Variants in GSG1L observed in about 807,000 individuals in gnomAD.
The protein encoded by GSG1L is germ cell-specific gene 1-like protein.
GSG1L carries 24 observed loss-of-function variants against 42.1 expected under a neutral mutation model. The ratio of observed to expected loss-of-function variants is 0.57; its 90% CI spans 0.41 to 0.80. The LOEUF is 0.80. Ranked by LOEUF, GSG1L falls within the 30% of genes least tolerant of loss-of-function variation. The probability of loss-of-function intolerance (pLI) is 0.00; values close to 1 mark genes in which losing one functional copy is unlikely to be tolerated. For synonymous variants in GSG1L, 215 were observed against 203.5 expected, an observed-to-expected ratio of 1.06 and a Z score of -0.48; for missense variants, 445 against 472.2, an observed-to-expected ratio of 0.94 and a Z score of 0.53.
chr16:27,818,730 C>A (rs1709786), intron 5 of GSG1L, among the ~76,000 whole-genome samples: 10,873 of 151,766 alleles, frequency 0.072, 574 homozygotes, highest in South Asian at 0.13. Flanking sequence ...ATTAAGATTC[C>A]ATAACATCAC....
At chr16:27,905,495 T>C (rs1229765791) in intron 2 of GSG1L, among the ~76,000 whole-genome samples, 1 of 152,034 alleles carries the variant, frequency 6.6e-6, no homozygotes, top group Non-Finnish European at 1.5e-5. Flanking sequence ...ATTTTATTTT[T>C]TTGTAGAGAC....
chr16:27,949,076 C>T (rs1036701026), intron 2 of GSG1L, among the ~76,000 whole-genome samples: 5 of 151,800 alleles, frequency 3.3e-5, no homozygotes, highest in Non-Finnish European at 7.4e-5. Context: ...TGCCACCATG[C>T]GCAGCTAATT....
chr16:27,888,508 T>TTTCTTTCC (rs1567505986), intron 2 of GSG1L, among the ~76,000 whole-genome samples: 1 of 12,956 alleles, frequency 7.7e-5, no homozygotes, highest in Non-Finnish European at 1.8e-4. Flanking sequence ...TCTTTCTTTC[T>TTTCTTTCC]TTCTTTCTTT....
intron 3 of GSG1L, among the ~76,000 whole-genome samples, chr16:27,859,892 G>A (rs2083622875): frequency 6.6e-6 from 1 of 151,682 alleles, no homozygotes; most frequent in Non-Finnish European, 1.5e-5. Context: ...CTGTTGGCTA[G>A]GCTTATCTGG....
intron 2 of GSG1L, among the ~76,000 whole-genome samples, chr16:27,935,320 G>T (rs2084702143): frequency 7.1e-6 from 1 of 139,894 alleles, no homozygotes; most frequent in Non-Finnish European, 1.6e-5. Flanking sequence ...CCATCCTGAT[G>T]GGGGAATGGG....
Position 27,926,105 on chromosome 16 carries a change from A to G in GSG1L, c.397+37051T>C, listed in dbSNP as rs565636422. On this transcript the variant is annotated intron_variant, in intron 2 of 6. Transcript: ENST00000447459. Reference sequence around the variant, plus strand: ...AGTCTTCATGAATACAAGATAGGAAAAAGGAGTGACAAAGCCTTCTCCAGG... The same window carrying G: ...AGTCTTCATGAATACAAGATAGGAAGAAGGAGTGACAAAGCCTTCTCCAGG... 2.6e-4 allele frequency among the ~76,000 whole-genome samples: 39 copies of G among 152,344 alleles called. 1 individual carries two copies. The highest frequency in any genetic ancestry group is 9.8e-4 in the Admixed American group (15 of 15,308).
intron 1 of GSG1L, among the ~76,000 whole-genome samples, chr16:28,060,178 G>A (rs1414436286): frequency 6.6e-6 from 1 of 151,740 alleles, no homozygotes; most frequent in Non-Finnish European, 1.5e-5. Context: ...GGTGGGGGAG[G>A]CGAGATTTTG....
chr16:27,883,533 T>C (rs2083987915), intron 3 of GSG1L, among the ~76,000 whole-genome samples: 1 of 152,232 alleles, frequency 6.6e-6, no homozygotes. Context: ...CTCTGTCAAA[T>C]GTACATACCT....
chr16:27,980,161 G>T (rs947034008), intron 1 of GSG1L, among the ~76,000 whole-genome samples: 6 of 152,204 alleles, frequency 3.9e-5, no homozygotes, highest in African/African-American at 1.4e-4. Context: ...GATGCCCAAT[G>T]CTGGCAGAAG....
At chr16:28,027,190 C>T (rs1294896293) in intron 1 of GSG1L, among the ~76,000 whole-genome samples, 2 of 152,212 alleles carry the variant, frequency 1.3e-5, no homozygotes, top group East Asian at 1.9e-4. Context: ...ATTCTGGAAA[C>T]ATATGCCATG....
At position 27,897,471 on chromosome 16, in the gene GSG1L, T is replaced by A. The variant is rs149813039; in HGVS notation, c.398-12833A>T. ...GTTCTATTGTGTCTGGGTAATTTTT[T>A]AAATTTTTTGTAGAGATGAGGTCTC... is the stretch of plus-strand genomic sequence containing the variant. On this transcript the variant is annotated intron_variant, in intron 2 of 6. Transcript: ENST00000447459. 4.2e-3 allele frequency among the ~76,000 whole-genome samples: 632 copies of A among 152,226 alleles called. 4 individuals carry two copies. Among genetic ancestry groups the A allele is most frequent in the African/African-American group, 0.013 (526 of 41,544 alleles).
At position 27,901,905 on chromosome 16, in the gene GSG1L, T is replaced by C. The variant is rs187863882; in HGVS notation, c.398-17267A>G. Among the ~76,000 whole-genome samples, 456 of 152,346 alleles carry C rather than the reference T, an allele frequency of 3.0e-3. 2 individuals carry two copies. Among genetic ancestry groups the C allele is most frequent in the Non-Finnish European group, 5.6e-3 (379 of 68,038 alleles). ...TTCCTCCAAAGCCACCTCAGGGCCTTTGCACTTGCTGTGCCCTTGGCCCAG... is the reference window on the plus strand; with the variant it reads ...TTCCTCCAAAGCCACCTCAGGGCCTCTGCACTTGCTGTGCCCTTGGCCCAG... On this transcript the variant is annotated intron_variant, in intron 2 of 6. Coordinates refer to ENST00000447459, the MANE Select transcript of GSG1L (RefSeq NM_001109763.2).
chr16:28,058,522 G>A (rs921418096), intron 1 of GSG1L, among the ~76,000 whole-genome samples: 3 of 151,682 alleles, frequency 2.0e-5, no homozygotes, highest in Non-Finnish European at 2.9e-5. Flanking sequence ...CCAGCTACTC[G>A]GGAGGCTAAG....
chr16:27,894,281 G>A (rs976911535), intron 2 of GSG1L, among the ~76,000 whole-genome samples: 1 of 152,210 alleles, frequency 6.6e-6, no homozygotes, highest in African/African-American at 2.4e-5. Flanking sequence ...CACCTGTCCT[G>A]TCTAAGGTGC....
At chr16:27,991,100 G>C (rs915559641) in intron 1 of GSG1L, among the ~76,000 whole-genome samples, 1 of 152,178 alleles carries the variant, frequency 6.6e-6, no homozygotes, top group Non-Finnish European at 1.5e-5. Context: ...TTCTTTGGTA[G>C]AAAAGGGGAA....
intron 5 of GSG1L, among the ~76,000 whole-genome samples, chr16:27,813,434 A>G (rs1049254847): frequency 1.3e-5 from 2 of 152,160 alleles, no homozygotes; most frequent in African/African-American, 2.4e-5. Context: ...GTAGTATTCC[A>G]TGGTGTGTAT....
At chr16:28,051,676 C>T (rs1379693966) in intron 1 of GSG1L, among the ~76,000 whole-genome samples, 2 of 152,174 alleles carry the variant, frequency 1.3e-5, no homozygotes, top group Admixed American at 1.3e-4. Context: ...CGTGCAAAGG[C>T]CCTGGGGCAG....
chr16:27,973,471 G>C (rs1241968791), intron 1 of GSG1L, among the ~76,000 whole-genome samples: 3 of 100,044 alleles, frequency 3.0e-5, no homozygotes, highest in African/African-American at 1.0e-4. Flanking sequence ...AAAAAAAAGA[G>C]TGTGTGCTTA....
At chr16:27,924,333 G>T (rs199973090) in intron 2 of GSG1L, among the ~76,000 whole-genome samples, 1 of 148,622 alleles carries the variant, frequency 6.7e-6, no homozygotes, top group African/African-American at 2.5e-5. Context: ...GTATGTGTGT[G>T]TACACACATT....
Sources: gnomAD v4.1 joint callset for allele counts (sites outside exome capture counted in the v4.1 genomes callset) on GRCh38, gnomAD v4.1.1 for gene constraint, MANE v1.5 for transcripts, NCBI Gene and HGNC (gene_info 2026-07-23, HGNC 2026-07-21) for gene names.